NSMCE2: variants seen among roughly 807,000 people sequenced by gnomAD.
NSMCE2 encodes E3 SUMO-protein ligase NSE2.
Under a neutral mutation model 23.8 loss-of-function variants are expected in NSMCE2, and 24 were observed. The observed-to-expected ratio is 1.01, with a 90% CI of 0.73 to 1.42. NSMCE2 has a LOEUF of 1.42. Ranked by LOEUF, NSMCE2 falls within the 40% of genes most tolerant of loss-of-function variation. The pLI, the probability that NSMCE2 is intolerant of heterozygous loss-of-function variation, is 0.00. For synonymous variants in NSMCE2, 92 were observed against 94.1 expected, an observed-to-expected ratio of 0.98 and a Z score of 0.13; for missense variants, 284 against 296.5, an observed-to-expected ratio of 0.96 and a Z score of 0.31.
At position 125,173,867 on chromosome 8, in the gene NSMCE2, A is replaced by G. The variant is rs184249607; in HGVS notation, c.265-8236A>G. Among the ~76,000 whole-genome samples the G allele has an allele frequency of 1.5e-3, 221 of 152,316 alleles. 7 individuals are homozygous for G. Among genetic ancestry groups the G allele is most frequent in the Admixed American group, 0.014 (217 of 15,296 alleles). On this transcript the variant is annotated intron_variant, in intron 4 of 7. Coordinates refer to ENST00000287437, the MANE Select transcript of NSMCE2 (RefSeq NM_173685.4). ...TGAAACTGGCTGACACTGACTCACT[A>G]TGACCTTGGGCAAGATGCTGAACTA...
intron 4 of NSMCE2, among the ~76,000 whole-genome samples, chr8:125,167,948 A>AT (rs1428687759): frequency 4.6e-5 from 7 of 152,094 alleles, no homozygotes; most frequent in Admixed American, 4.6e-4. Context: ...TCTCTGACTC[A>AT]TTTTGTCAAT....
rs1467649869 is a variant in NSMCE2 at position 125,163,259 on chromosome 8, C to A, written c.264+11982C>A. 2.6e-5 allele frequency among the ~76,000 whole-genome samples: 4 copies of A among 152,232 alleles called. No individual in the cohort carries two copies. In the East Asian group the frequency reaches 5.8e-4, roughly 22 times the overall value. On this transcript the variant is annotated intron_variant, in intron 4 of 7. Transcript: ENST00000287437. ...AATTCAAAAATTTATACTTTCTGATCTGATGGTTTTCATGACTAACTCATC... is the reference window on the plus strand; with the variant it reads ...AATTCAAAAATTTATACTTTCTGATATGATGGTTTTCATGACTAACTCATC...
At chr8:125,195,985 C>T (rs1823596482) in intron 5 of NSMCE2, among the ~76,000 whole-genome samples, 1 of 140,440 alleles carries the variant, frequency 7.1e-6, no homozygotes, top group African/African-American at 2.7e-5. Context: ...CTCTTGGGTT[C>T]AAGCAATTCT....
chr8:125,099,009 ATACATAGTAT>A (rs1173942877), intron 1 of NSMCE2, among the ~76,000 whole-genome samples: 2 of 152,092 alleles, frequency 1.3e-5, no homozygotes, highest in Admixed American at 1.3e-4. Context: ...GGTGCTGGAG[ATACATAGTAT>A]TACATTCATT....
chr8:125,251,012 C>T (rs370290420), intron 5 of NSMCE2, among the ~76,000 whole-genome samples: 5 of 152,100 alleles, frequency 3.3e-5, no homozygotes, highest in South Asian at 2.1e-4. Context: ...TATGATATGC[C>T]GTGCAGAAAA....
chr8:125,153,827 T>C (rs1821169681), intron 4 of NSMCE2, among the ~76,000 whole-genome samples: 1 of 152,180 alleles, frequency 6.6e-6, no homozygotes, highest in South Asian at 2.1e-4. Flanking sequence ...TATTGCAAAC[T>C]CAGATTTCCA....
intron 3 of NSMCE2, among the ~76,000 whole-genome samples, chr8:125,131,818 G>T (rs1214199140): frequency 1.3e-5 from 2 of 152,198 alleles, no homozygotes; most frequent in African/African-American, 4.8e-5. Context: ...AAGTTTGAGA[G>T]CCCTATCCCC....
At chr8:125,158,534 C>T (rs2130713918) in intron 4 of NSMCE2, among the ~76,000 whole-genome samples, 1 of 152,272 alleles carries the variant, frequency 6.6e-6, no homozygotes, top group South Asian at 2.1e-4. Flanking sequence ...TACTGAGGCG[C>T]CCAGTGTGAT....
chr8:125,231,986 C>T (rs1309004310), intron 5 of NSMCE2, among the ~76,000 whole-genome samples: 3 of 152,134 alleles, frequency 2.0e-5, no homozygotes, highest in Non-Finnish European at 4.4e-5. Flanking sequence ...TCCTCTGAAC[C>T]TCGTGTTTCT....
chr8:125,136,983 G>C (rs1309113878), intron 3 of NSMCE2, among the ~76,000 whole-genome samples: 1 of 152,096 alleles, frequency 6.6e-6, no homozygotes, highest in Non-Finnish European at 1.5e-5. Flanking sequence ...AATGGGATAA[G>C]TATAATGATA....
At chr8:125,301,725 C>T (rs1192293156) in intron 5 of NSMCE2, among the ~76,000 whole-genome samples, 2 of 149,378 alleles carry the variant, frequency 1.3e-5, no homozygotes, top group Admixed American at 6.8e-5. Context: ...TGCAATGGCA[C>T]AGTCTCGGCT....
chr8:125,249,677 C>T (rs1826126478), intron 5 of NSMCE2, among the ~76,000 whole-genome samples: 1 of 152,182 alleles, frequency 6.6e-6, no homozygotes, highest in Non-Finnish European at 1.5e-5. Context: ...CTTTCCCACA[C>T]CCAGTTTGAT....
At chr8:125,173,325 G>C (rs1471237597) in intron 4 of NSMCE2, among the ~76,000 whole-genome samples, 1 of 152,198 alleles carries the variant, frequency 6.6e-6, no homozygotes, top group Non-Finnish European at 1.5e-5. Flanking sequence ...GGTGTGATGA[G>C]GGGGAGGAGA....
At chr8:125,302,381 C>G (rs746659217) in intron 5 of NSMCE2, among the ~76,000 whole-genome samples, 1 of 152,126 alleles carries the variant, frequency 6.6e-6, no homozygotes, top group African/African-American at 2.4e-5. Flanking sequence ...TGGCCTGGCA[C>G]ACATTCCAGG....
At chr8:125,139,435 A>T (rs1398366885) in intron 3 of NSMCE2, among the ~76,000 whole-genome samples, 4 of 152,174 alleles carry the variant, frequency 2.6e-5, no homozygotes, top group Admixed American at 2.6e-4. Context: ...ACTGCTAATA[A>T]AGACATACCG....
At chr8:125,241,320 C>T (rs561848135) in intron 5 of NSMCE2, among the ~76,000 whole-genome samples, 91 of 152,188 alleles carry the variant, frequency 6.0e-4, no homozygotes, top group Admixed American at 1.8e-3. Context: ...ATTGGCTCAC[C>T]CATGAAAATG....
At chr8:125,110,621 G>C (rs923926442) in intron 3 of NSMCE2, among the ~76,000 whole-genome samples, 1 of 152,080 alleles carries the variant, frequency 6.6e-6, no homozygotes, top group Non-Finnish European at 1.5e-5. Flanking sequence ...TTTGAGTAGG[G>C]ATTTGATTAT....
At chr8:125,335,534 C>A (rs764265833) in intron 5 of NSMCE2, among the ~76,000 whole-genome samples, 1 of 152,146 alleles carries the variant, frequency 6.6e-6, no homozygotes, top group South Asian at 2.1e-4. Context: ...TTATGGATAG[C>A]CAGCCAGGAG....
intron 3 of NSMCE2, among the ~76,000 whole-genome samples, chr8:125,111,179 G>A (rs2384890): frequency 0.02 from 3,072 of 152,224 alleles, 103 homozygotes; most frequent in African/African-American, 0.071. Context: ...TTTTCACTGT[G>A]TGGCAGTTAC....
Sources: allele counts gnomAD v4.1 joint callset (sites outside exome capture counted in the v4.1 genomes callset), GRCh38; gene constraint gnomAD v4.1.1; transcripts MANE v1.5; gene names NCBI Gene and HGNC (gene_info 2026-07-23, HGNC 2026-07-21).